The following SOX6 variants were observed in gnomAD, a reference collection of about 807,000 sequenced individuals.
SOX6 encodes SRY-box transcription factor 6.
SOX6 carries 11 observed loss-of-function variants against 97.8 expected under a neutral mutation model. The ratio of observed to expected loss-of-function variants is 0.11; its 90% confidence interval spans 0.07 to 0.19. SOX6 has a LOEUF of 0.19. Among genes scored for constraint, SOX6 ranks in the 10% least tolerant of loss-of-function variants. The probability of loss-of-function intolerance (pLI) is 1.00; values close to 1 mark genes in which losing one functional copy is unlikely to be tolerated. For missense variants in SOX6, 810 were observed against 1,039.5 expected, an observed-to-expected ratio of 0.78 and a Z score of 3.04; for synonymous variants, 360 against 371.4, an observed-to-expected ratio of 0.97 and a Z score of 0.35.
At chr11:16,406,558 C>T (rs1447791739) in intron 1 of SOX6, among the ~76,000 whole-genome samples, 1 of 152,024 alleles carries the variant, frequency 6.6e-6, no homozygotes, top group Non-Finnish European at 1.5e-5. Context: ...AGAGTGTGAA[C>T]AGAAATGTAC....
At chr11:16,274,915 G>A (rs1284731285) in intron 3 of SOX6, among the ~76,000 whole-genome samples, 1 of 152,048 alleles carries the variant, frequency 6.6e-6, no homozygotes, top group East Asian at 1.9e-4. Flanking sequence ...GGTAGCCTAG[G>A]CAAGGGGCAT....
chr11:16,194,839 A>G (rs1324690767), intron 4 of SOX6, among the ~76,000 whole-genome samples: 1 of 152,194 alleles, frequency 6.6e-6, no homozygotes, highest in Non-Finnish European at 1.5e-5. Flanking sequence ...ATTGTGCTTT[A>G]TAAGCCCATC....
chr11:15,997,582 A>T (rs982394302), intron 13 of SOX6, among the ~76,000 whole-genome samples: 1 of 152,244 alleles, frequency 6.6e-6, no homozygotes, highest in Non-Finnish European at 1.5e-5. Context: ...ATGAAAACAC[A>T]TGATAATCAC....
intron 1 of SOX6, among the ~76,000 whole-genome samples, chr11:16,364,533 C>T: frequency 6.6e-6 from 1 of 152,078 alleles, no homozygotes; most frequent in African/African-American, 2.4e-5. Flanking sequence ...AGTTATTTGA[C>T]ATTGGGCAAA....
intron 1 of SOX6, among the ~76,000 whole-genome samples, chr11:16,429,319 T>C (rs1461088523): frequency 6.6e-6 from 1 of 152,138 alleles, no homozygotes; most frequent in Non-Finnish European, 1.5e-5. Flanking sequence ...GCAATCCCAT[T>C]ACTGAGTACA....
At chr11:16,181,827 A>C (rs1851355895) in intron 6 of SOX6, among the ~76,000 whole-genome samples, 1 of 151,738 alleles carries the variant, frequency 6.6e-6, no homozygotes, top group African/African-American at 2.4e-5. Context: ...TATATTTCTA[A>C]AGTGAATGTA....
At chr11:16,082,960 A>G (rs927855383) in intron 9 of SOX6, among the ~76,000 whole-genome samples, 1 of 152,028 alleles carries the variant, frequency 6.6e-6, no homozygotes, top group Non-Finnish European at 1.5e-5. Flanking sequence ...CGTGCTGTCT[A>G]TTGCTTCTAC....
At chr11:16,554,008 C>G (rs1171851385) in intron 4 of SOX6, among the ~76,000 whole-genome samples, 3 of 152,042 alleles carry the variant, frequency 2.0e-5, no homozygotes, top group East Asian at 1.9e-4. Context: ...GTAGGCCCTA[C>G]TAGGAGGGGG....
In SOX6 at chr11:16,300,060, G is replaced by A. The variant is rs1263352228; in HGVS notation, c.445+18386C>T. On this transcript the variant is annotated intron_variant, in intron 3 of 15. Coordinates refer to ENST00000683767, the MANE Select transcript of SOX6 (RefSeq NM_001367873.1). The surrounding 1 kb of genome is among the most constrained non-coding windows in gnomAD (Gnocchi z 4.1). ...CAGTTTTCCACGAGCACTGCTCAGG[G>A]AGGAAGTGACATCTTCTAATTTCAG... 1.3e-5 allele frequency among the ~76,000 whole-genome samples: 2 copies of A among 152,150 alleles called. No individual in the cohort carries two copies. The highest frequency in any genetic ancestry group is 6.5e-5 in the Admixed American group (1 of 15,276).
Position 16,256,147 on chromosome 11 carries a change from T to C in SOX6, c.446-21476A>G, listed in dbSNP as rs73421012. Among the ~76,000 whole-genome samples, 661 of 152,108 alleles carry C rather than the reference T, an allele frequency of 4.3e-3. 4 individuals are homozygous for C. Among genetic ancestry groups the C allele is most frequent in the African/African-American group, 0.015 (606 of 41,572 alleles). ...TATGGAATAAATGATGCCAATTCTA[T>C]ATCATTTCTTTCAGAAGATAGAAGC... On this transcript the variant is annotated intron_variant, in intron 3 of 15. Transcript: ENST00000683767.
intron 9 of SOX6, among the ~76,000 whole-genome samples, chr11:16,060,981 T>A (rs1206534598): frequency 6.6e-6 from 1 of 151,812 alleles, no homozygotes; most frequent in Non-Finnish European, 1.5e-5. Flanking sequence ...TGATTTAACA[T>A]ACTATACAAA....
intron 3 of SOX6, among the ~76,000 whole-genome samples, chr11:16,649,714 A>G (rs1413371477): frequency 6.6e-6 from 1 of 151,668 alleles, no homozygotes; most frequent in Admixed American, 6.6e-5. Flanking sequence ...CAATAACACA[A>G]CAGAAAAAAA....
At position 16,519,985 on chromosome 11, in the gene SOX6, C is replaced by T. The variant is rs1861032727; in HGVS notation, n.610-43597G>A. ...CATTTTTTCATGTATTTTTTGGCCA[C>T]TTACATGTCTTCTTTTGGGAAGTGT... is the stretch of plus-strand genomic sequence containing the variant. On this transcript the variant is annotated intron_variant and non_coding_transcript_variant, in intron 4 of 5. Coordinates refer to the SOX6 transcript ENST00000524520. Among the ~76,000 whole-genome samples, 15 of 152,170 alleles carry T rather than the reference C, an allele frequency of 9.9e-5. 1 individual carries two copies. The highest frequency in any genetic ancestry group is 9.8e-4 in the Admixed American group (15 of 15,266).
chr11:16,202,812 G>A (rs920522555), intron 4 of SOX6, among the ~76,000 whole-genome samples: 2 of 152,070 alleles, frequency 1.3e-5, no homozygotes, highest in Non-Finnish European at 2.9e-5. Flanking sequence ...AGAAATAAAT[G>A]TATTTAATAT....
chr11:16,700,497 T>C (rs1848084663), intron 3 of SOX6, among the ~76,000 whole-genome samples: 1 of 152,202 alleles, frequency 6.6e-6, no homozygotes. Flanking sequence ...CCCAGACTCA[T>C]TCTCCACTTT....
At position 16,591,324 on chromosome 11, in the gene SOX6, T is replaced by TAGAG. The variant is rs1554976547; in HGVS notation, n.609+20756_609+20757insCTCT. Among the ~76,000 whole-genome samples, 399 of 73,448 alleles carry TAGAG rather than the reference T, an allele frequency of 5.4e-3. 1 individual carries two copies. The highest frequency in any genetic ancestry group is 0.019 in the African/African-American group (373 of 19,390). The allele number at this position is 73,448 out of a possible 152,430, so 48.2% of individuals were successfully genotyped here. The stretch of plus-strand genomic sequence containing the variant: ...TTAGATAAATGGTTAGATACATAGA[T>TAGAG]AGATAGATAGATAGATAGATAGATA... On this transcript the variant is annotated intron_variant and non_coding_transcript_variant, in intron 4 of 5. Coordinates refer to the SOX6 transcript ENST00000524520.
chr11:16,680,110 C>T (rs1835609623), intron 3 of SOX6, among the ~76,000 whole-genome samples: 2 of 152,138 alleles, frequency 1.3e-5, no homozygotes, highest in South Asian at 4.1e-4. Context: ...ATACAGAGAA[C>T]ACCACAAAGA....
chr11:16,468,418 T>C (rs568200167), intron 1 of SOX6, among the ~76,000 whole-genome samples: 1 of 152,316 alleles, frequency 6.6e-6, no homozygotes, highest in African/African-American at 2.4e-5. Context: ...CATCTGAAAA[T>C]ACTAGTGTGT....
At chr11:16,520,098 T>C (rs1186698064) in intron 4 of SOX6, among the ~76,000 whole-genome samples, 3 of 152,190 alleles carry the variant, frequency 2.0e-5, no homozygotes, top group Non-Finnish European at 4.4e-5. Flanking sequence ...TCTGGATATG[T>C]TTTTTGTTAG....
Sources: allele counts gnomAD v4.1 joint callset (sites outside exome capture counted in the v4.1 genomes callset), GRCh38; gene constraint gnomAD v4.1.1; non-coding constraint Gnocchi (gnomAD v3.1); transcripts MANE v1.5; gene names NCBI Gene and HGNC (gene_info 2026-07-23, HGNC 2026-07-21).